NRXN3: variants seen among roughly 807,000 people sequenced by gnomAD.
NRXN3 encodes the protein neurexin III.
Under a neutral mutation model 137.6 loss-of-function variants are expected in NRXN3, and 32 were observed. That is an observed-to-expected ratio of 0.23 (90% CI 0.18 to 0.31). The LOEUF is 0.31. Among genes scored for constraint, NRXN3 ranks in the 10% least tolerant of loss-of-function variants. NRXN3 has a pLI of 1.00. For synonymous variants in NRXN3, 798 were observed against 784.5 expected, an observed-to-expected ratio of 1.02 and a Z score of -0.29; for missense variants, 1,574 against 2,062.5, an observed-to-expected ratio of 0.76 and a Z score of 4.59.
intron 4 of NRXN3, among the ~76,000 whole-genome samples, chr14:78,597,352 A>G (rs1157352049): frequency 1.3e-5 from 2 of 152,162 alleles, no homozygotes; most frequent in Non-Finnish European, 1.5e-5. Context: ...ATAGAATCCT[A>G]TTTTTTCCAG....
chr14:79,470,797 T>C (rs1416957675), intron 16 of NRXN3, among the ~76,000 whole-genome samples: 1 of 151,878 alleles, frequency 6.6e-6, no homozygotes, highest in Non-Finnish European at 1.5e-5. Context: ...TTGTGAGTGG[T>C]GGTCAGGCTA....
chr14:79,316,394 A>T (rs917121992), intron 15 of NRXN3, among the ~76,000 whole-genome samples: 2 of 152,190 alleles, frequency 1.3e-5, no homozygotes, highest in South Asian at 4.1e-4. Flanking sequence ...ATCTTGTCTG[A>T]GATGATATTA....
chr14:78,811,511 G>A (rs778034263), intron 10 of NRXN3, among the ~76,000 whole-genome samples: 8 of 152,256 alleles, frequency 5.3e-5, no homozygotes, highest in African/African-American at 1.9e-4. Flanking sequence ...AAATGTAGTC[G>A]GCTAGTGCAC....
At chr14:79,459,041 C>T (rs1341047721) in intron 15 of NRXN3, among the ~76,000 whole-genome samples, 1 of 152,046 alleles carries the variant, frequency 6.6e-6, no homozygotes, top group Non-Finnish European at 1.5e-5. Context: ...CCATCATCAT[C>T]AGGTAAATGG....
In NRXN3 at chr14:78,405,541, C is replaced by T. The variant is rs1037768307; in HGVS notation, c.757+107681C>T. On this transcript the variant is annotated intron_variant, in intron 4 of 20. Coordinates refer to ENST00000335750, the MANE Select transcript of NRXN3 (RefSeq NM_001330195.2). ...TCATCTCAGAGTGTTTGTCACTGGC[C>T]ACAGTTTATATACAAGCTATACAGG... Among the ~76,000 whole-genome samples the T allele has an allele frequency of 5.5e-5, 8 of 145,130 alleles. 1 individual carries two copies. The highest frequency in any genetic ancestry group is 3.0e-5 in the Non-Finnish European group (2 of 67,334).
chr14:78,212,418 C>T (rs1412209260), intron 1 of NRXN3, among the ~76,000 whole-genome samples: 4 of 152,184 alleles, frequency 2.6e-5, no homozygotes, highest in African/African-American at 7.2e-5. Flanking sequence ...GATTCAAACC[C>T]AGTCTGTAGA....
intron 10 of NRXN3, among the ~76,000 whole-genome samples, chr14:78,884,495 A>T (rs1231941346): frequency 6.6e-6 from 1 of 152,062 alleles, no homozygotes; most frequent in Non-Finnish European, 1.5e-5. Flanking sequence ...CACCTTTCTG[A>T]TCCTGATAGG....
At chr14:79,656,959 G>C (rs1359421594) in intron 16 of NRXN3, among the ~76,000 whole-genome samples, 1 of 152,080 alleles carries the variant, frequency 6.6e-6, no homozygotes, top group Admixed American at 6.6e-5. Context: ...GTTGTAAATA[G>C]AGCAGTATCC....
At position 78,765,742 on chromosome 14, in the gene NRXN3, C is replaced by T. The variant is rs148607169; in HGVS notation, c.2045-37878C>T. ...AAATGTTGATATATATATATATACA[C>T]ACACACACACATACATATATACATA... On this transcript the variant is annotated intron_variant, in intron 8 of 20. Coordinates refer to ENST00000335750, the MANE Select transcript of NRXN3 (RefSeq NM_001330195.2). Among the ~76,000 whole-genome samples the T allele has an allele frequency of 1.3e-3, 186 of 147,396 alleles. 1 individual carries two copies. Among genetic ancestry groups the T allele is most frequent in the African/African-American group, 4.2e-3 (170 of 40,288 alleles).
At chr14:79,317,898 G>GT (rs1298629712) in intron 15 of NRXN3, among the ~76,000 whole-genome samples, 2 of 152,160 alleles carry the variant, frequency 1.3e-5, no homozygotes, top group Non-Finnish European at 2.9e-5. Context: ...TCCACAGAAA[G>GT]TTTTACTGAT....
At position 79,733,367 on chromosome 14, in the gene NRXN3, G is replaced by GTAATT. The variant is rs546430390; in HGVS notation, c.4014+35433_4014+35437dup. 1.3e-4 allele frequency among the ~76,000 whole-genome samples: 20 copies of GTAATT among 152,296 alleles called. 1 individual carries two copies. In the South Asian group the frequency reaches 3.9e-3, roughly 30 times the overall value. Reference sequence around the variant, plus strand: ...CCCAATTTGGTTTTCTTAAGGAGGAGTAATTTAGTTGTCATTAAACTCTTT... The same window carrying GTAATT: ...CCCAATTTGGTTTTCTTAAGGAGGAGTAATTTAATTTAGTTGTCATTAAACTCTTT... On this transcript the variant is annotated intron_variant, in intron 19 of 20. Transcript: ENST00000335750.
In NRXN3 at chr14:79,802,510, G is replaced by T. The variant is rs138598805; in HGVS notation, c.4015-2602G>T. The stretch of plus-strand genomic sequence containing the variant: ...GCCTTTTGGAGGGTCACAAACCATT[G>T]TAATATTTAAGATTGTCCCTCAGCC... On this transcript the variant is annotated intron_variant, in intron 19 of 20. Transcript: ENST00000335750. Among the ~76,000 whole-genome samples the T allele has an allele frequency of 3.5e-4, 53 of 152,150 alleles. 1 individual carries two copies. The East Asian group carries it at 8.9e-3, about 25-fold the overall frequency.
At chr14:78,981,436 C>T (rs1385157305) in intron 14 of NRXN3, among the ~76,000 whole-genome samples, 1 of 152,188 alleles carries the variant, frequency 6.6e-6, no homozygotes, top group African/African-American at 2.4e-5. Context: ...CACCCTCTCA[C>T]TTGCCACCTA....
At chr14:79,597,602 C>T (rs928585884) in intron 16 of NRXN3, among the ~76,000 whole-genome samples, 13 of 152,094 alleles carry the variant, frequency 8.5e-5, no homozygotes, top group African/African-American at 2.2e-4. Flanking sequence ...TGTTACCATA[C>T]GCAAACTTTA....
intron 15 of NRXN3, among the ~76,000 whole-genome samples, chr14:78,997,479 C>A (rs1253107125): frequency 1.3e-5 from 2 of 152,186 alleles, no homozygotes; most frequent in African/African-American, 4.8e-5. Context: ...CATACAGGTG[C>A]AATTCCAACA....
At chr14:79,219,259 ACT>A (rs1269171579) in intron 15 of NRXN3, among the ~76,000 whole-genome samples, 1 of 152,054 alleles carries the variant, frequency 6.6e-6, no homozygotes, top group East Asian at 1.9e-4. Flanking sequence ...AGGAGCTAAG[ACT>A]ATAGGCATCA....
intron 6 of NRXN3, among the ~76,000 whole-genome samples, chr14:78,697,587 A>T (rs1160056658): frequency 1.3e-5 from 2 of 151,988 alleles, no homozygotes; most frequent in African/African-American, 4.8e-5. Context: ...CTGCAGATTT[A>T]CTAAAGGTAA....
chr14:78,971,922 C>G (rs1457423130), intron 14 of NRXN3, among the ~76,000 whole-genome samples: 1 of 152,166 alleles, frequency 6.6e-6, no homozygotes, highest in Non-Finnish European at 1.5e-5. Flanking sequence ...TATTTAAAAA[C>G]TTGCTAATTT....
At chr14:78,387,230 C>A (rs2090101147) in intron 4 of NRXN3, among the ~76,000 whole-genome samples, 1 of 152,060 alleles carries the variant, frequency 6.6e-6, no homozygotes, top group Non-Finnish European at 1.5e-5. Flanking sequence ...TAATGATTTA[C>A]TTAATTTGGA....
Sources: allele counts gnomAD v4.1 joint callset (sites outside exome capture counted in the v4.1 genomes callset), GRCh38; gene constraint gnomAD v4.1.1; transcripts MANE v1.5; gene names NCBI Gene and HGNC (gene_info 2026-07-23, HGNC 2026-07-21).